KIF15: variants seen among roughly 807,000 people sequenced by gnomAD.
KIF15 encodes the protein kinesin-like protein KIF15.
Under a neutral mutation model 190.6 loss-of-function variants are expected in KIF15, and 140 were observed. The ratio of observed to expected loss-of-function variants is 0.73; its 90% confidence interval spans 0.64 to 0.84. The LOEUF (loss-of-function observed/expected upper bound fraction) is 0.84, where lower values mean the gene tolerates loss of function less well. KIF15 is among the 40% of genes least tolerant of loss of function. The probability of loss-of-function intolerance (pLI) is 0.00; values close to 1 mark genes in which losing one functional copy is unlikely to be tolerated. For missense variants in KIF15, 1,372 were observed against 1,584.4 expected, an observed-to-expected ratio of 0.87 and a Z score of 2.28; for synonymous variants, 528 against 551.3, an observed-to-expected ratio of 0.96 and a Z score of 0.59.
At chr3:44,789,350 G>T (rs1017591122) in intron 7 of KIF15, among the ~76,000 whole-genome samples, 9 of 151,586 alleles carry the variant, frequency 5.9e-5, no homozygotes, top group Admixed American at 1.3e-4. Flanking sequence ...ATTCCAAAGC[G>T]TGTGAGGATT....
chr3:44,780,392 G>A (rs1706109895), intron 4 of KIF15, among the ~76,000 whole-genome samples: 1 of 152,100 alleles, frequency 6.6e-6, no homozygotes, highest in African/African-American at 2.4e-5. Flanking sequence ...AAGAATTTAG[G>A]AAAGGAAATG....
chr3:44,830,055 C>T lies in KIF15; in HGVS notation c.3028C>T (p.Gln1010Ter), dbSNP rs751462359. The change falls in exon 25 of 35, where the codon CAA becomes TAA. Residue 1010 changes from glutamine (Q) to a stop codon, truncating the protein, a stop_gained. Transcript: ENST00000326047. LOFTEE classifies it high-confidence loss of function. ...EKTETIDTLKQELKDINCKYN... is the reference protein window; with the variant it reads ...EKTETIDTLK ...AACAGAAACTATAGACACCCTGAAA[C>T]AAGAACTGAAGGACATAAATGTAAG... 2.5e-6 allele frequency: 4 copies of T among 1,586,254 alleles called. No individual in the cohort carries two copies. Among genetic ancestry groups the T allele is most frequent in the Non-Finnish European group, 3.4e-6 (4 of 1,167,302 alleles).
chr3:44,863,596 A>T (rs1699287937), intron 6 of KIF15: 1 of 152,638 alleles, frequency 6.6e-6, no homozygotes, highest in African/African-American at 2.4e-5. Context: ...TAGGAAGGTT[A>T]CTTAATGCCC....
At chr3:44,777,398 A>G (rs180735748) in intron 3 of KIF15, among the ~76,000 whole-genome samples, 1 of 152,248 alleles carries the variant, frequency 6.6e-6, no homozygotes, top group African/African-American at 2.4e-5. Context: ...TGGCCAATAG[A>G]TAAGTAAAAC....
chr3:44,812,166 A>C lies in KIF15; in HGVS notation c.2170-16A>C. On this transcript the variant is annotated splice_polypyrimidine_tract_variant and intron_variant, in intron 17 of 34. Coordinates refer to ENST00000326047, the MANE Select transcript of KIF15 (RefSeq NM_020242.3). ...CATTAAAATAAATTTTGATGACTGA[A>C]GTTTTTGTGTTGCAGGAACAAATGA... 2 of 1,569,562 alleles carry C rather than the reference A, an allele frequency of 1.3e-6. No homozygotes were observed. Among genetic ancestry groups the C allele is most frequent in the Non-Finnish European group, 1.7e-6 (2 of 1,145,932 alleles).
chr3:44,841,114 A>G lies in KIF15; in HGVS notation c.3461A>G (p.Lys1154Arg). The G allele has an allele frequency of 6.2e-7, 1 of 1,613,854 alleles. No individual in the cohort carries two copies. Among genetic ancestry groups the G allele is most frequent in the Non-Finnish European group, 8.5e-7 (1 of 1,179,866 alleles). Residue 1154 changes from lysine to arginine, a missense_variant, in exon 29 of 35, where the codon AAA becomes AGA. Coordinates refer to ENST00000326047, the MANE Select transcript of KIF15 (RefSeq NM_020242.3). The part of the protein sequence containing the change: ...TPPHFQTHLA[K>R]LLETQEQEIE... The stretch of plus-strand genomic sequence containing the variant: ...CCTCACTTTCAAACACATTTGGCAA[A>G]ACTCCTGGAAACACAAGAACAAGAG...
intron 2 of KIF15, 72 bp from the exon 3 acceptor site, chr3:44,775,182 A>G (rs1705816326): frequency 5.0e-6 from 6 of 1,210,764 alleles, no homozygotes; most frequent in Non-Finnish European, 7.2e-6. Flanking sequence ...TATAGGCAAT[A>G]TGAGACTTGG....
intron 29 of KIF15, among the ~76,000 whole-genome samples, chr3:44,841,852 C>T (rs1698625306): frequency 6.6e-6 from 1 of 152,132 alleles, no homozygotes; most frequent in African/African-American, 2.4e-5. Flanking sequence ...CAGGGTAGCC[C>T]CTTTCTTTTA....
At chr3:44,838,963 T>C (rs1698461567) in intron 27 of KIF15, among the ~76,000 whole-genome samples, 1 of 152,206 alleles carries the variant, frequency 6.6e-6, no homozygotes, top group Non-Finnish European at 1.5e-5. Flanking sequence ...CTGACTTTTA[T>C]CATATTTTTG....
chr3:44,797,599 A>G lies in KIF15; in HGVS notation c.898A>G (p.Thr300Ala). ...RSLSCLGQVI[T>A]ALVDVGNGKQ... ...ATTGAGCTGCCTGGGCCAAGTGATT[A>G]CAGCACTTGTCGACGTGGGTAATGG... is the stretch of plus-strand genomic sequence containing the variant. The change falls in exon 9 of 35, where the codon ACA becomes GCA. Residue 300 changes from threonine to alanine, a missense_variant. Thr to Ala is a moderately conservative substitution (Grantham distance 58, BLOSUM62 0). Coordinates refer to ENST00000326047, the MANE Select transcript of KIF15 (RefSeq NM_020242.3). 3 of 1,613,924 alleles carry G rather than the reference A, an allele frequency of 1.9e-6. No homozygotes were observed. The highest frequency in any genetic ancestry group is 2.5e-6 in the Non-Finnish European group (3 of 1,179,770).
chr3:44,794,119 G>A (rs1706855329), intron 7 of KIF15, 98 bp from the exon 8 acceptor site: 1 of 921,508 alleles, frequency 1.1e-6, no homozygotes, highest in Non-Finnish European at 1.7e-6. Context: ...ATCCACAAGT[G>A]ATCCTCCAGA....
In KIF15 at chr3:44,802,867, GGA is replaced by G. The variant is rs1437657215; in HGVS notation, c.1565_1566del (p.Glu522GlyfsTer3). 19 of 1,608,964 alleles carry G rather than the reference GGA, an allele frequency of 1.2e-5. No homozygotes were observed. The highest frequency in any genetic ancestry group is 1.6e-5 in the Non-Finnish European group (19 of 1,178,674). ...KYAMENHSLR[E>X]ENRRLRLLEP... Reference sequence around the variant, plus strand: ...ATGCTATGGAAAATCATTCCCTCAGGGAGGAGAATAGAAGACTGAGATTATTA... The same window carrying G: ...ATGCTATGGAAAATCATTCCCTCAGGGGAGAATAGAAGACTGAGATTATTA... On this transcript the variant is annotated frameshift_variant, in exon 14 of 35. Coordinates refer to ENST00000326047, the MANE Select transcript of KIF15 (RefSeq NM_020242.3). LOFTEE classifies it high-confidence loss of function.
intron 23 of KIF15, 22 bp from the exon 24 acceptor site, chr3:44,828,192 A>T: frequency 1.9e-6 from 3 of 1,570,380 alleles, no homozygotes; most frequent in Non-Finnish European, 2.6e-6. Flanking sequence ...ATTCTTCTAA[A>T]AATATTTCTT....
intron 1 of KIF15, among the ~76,000 whole-genome samples, chr3:44,774,049 G>A (rs1705755317): frequency 6.6e-6 from 1 of 152,170 alleles, no homozygotes; most frequent in Admixed American, 6.5e-5. Flanking sequence ...GTGCATGTGG[G>A]CCCTTAGTCT....
Position 44,794,431 on chromosome 3 carries a change from G to C in KIF15, c.849+5G>C. On this transcript the variant is annotated splice_donor_5th_base_variant and intron_variant, in intron 8 of 34. Coordinates refer to ENST00000326047, the MANE Select transcript of KIF15 (RefSeq NM_020242.3). ...GCAGAAGGGATGAGATTGAAGGTAA[G>C]AATGAAATTATGGTCTTCAACTTGT... 6.3e-7 allele frequency: 1 copy of C among 1,574,890 alleles called. No homozygotes were observed. Among genetic ancestry groups the C allele is most frequent in the Non-Finnish European group, 8.6e-7 (1 of 1,158,534 alleles).
chr3:44,829,612 T>A (rs1450194117), intron 24 of KIF15, among the ~76,000 whole-genome samples: 1 of 129,738 alleles, frequency 7.7e-6, no homozygotes, highest in African/African-American at 3.1e-5. Flanking sequence ...GCATATATAT[T>A]ATATATGTAT....
chr3:44,843,044 C>T (rs1271885598), intron 29 of KIF15, 81 bp from the exon 30 acceptor site: 2 of 929,438 alleles, frequency 2.2e-6, no homozygotes, highest in African/African-American at 3.2e-5. Context: ...AGAGGAATAC[C>T]TGTCTCAGTG....
In KIF15 at chr3:44,852,721, AG is replaced by A; in HGVS notation, c.4154del (p.Arg1385LysfsTer17). Reference sequence around the variant, plus strand: ...AAATGTATTTTTAAAAGAAAAGAAAAGAAGTGAATCTTGAGGATTCCGGTCA... The same window carrying A: ...AAATGTATTTTTAAAAGAAAAGAAAAAAGTGAATCTTGAGGATTCCGGTCA... ...AENVFLKEKK[R>X]SES On this transcript the variant is annotated frameshift_variant, in exon 35 of 35. Coordinates refer to ENST00000326047, the MANE Select transcript of KIF15 (RefSeq NM_020242.3). LOFTEE classifies it high-confidence loss of function. 6.2e-7 allele frequency: 1 copy of A among 1,601,806 alleles called. No homozygotes were observed. Among genetic ancestry groups the A allele is most frequent in the Non-Finnish European group, 8.5e-7 (1 of 1,176,372 alleles).
At chr3:44,811,676 A>G (rs992230036) in intron 17 of KIF15, among the ~76,000 whole-genome samples, 3 of 152,222 alleles carry the variant, frequency 2.0e-5, no homozygotes, top group Non-Finnish European at 4.4e-5. Context: ...GAATCTTATT[A>G]TAGATCAAAT....
Sources: gnomAD v4.1 joint callset for allele counts (sites outside exome capture counted in the v4.1 genomes callset) on GRCh38, gnomAD v4.1.1 for gene constraint, MANE v1.5 for transcripts, NCBI Gene and HGNC (gene_info 2026-07-23, HGNC 2026-07-21) for gene names.